The following CNTN3 variants were observed in gnomAD, a reference collection of about 807,000 sequenced individuals.
CNTN3 encodes the protein contactin 3.
Under a neutral mutation model 119.1 loss-of-function variants are expected in CNTN3, and 60 were observed. The ratio of observed to expected loss-of-function variants is 0.50; its 90% CI spans 0.41 to 0.62. CNTN3 has a LOEUF of 0.62. Among genes scored for constraint, CNTN3 ranks in the 20% least tolerant of loss-of-function variants. The probability of loss-of-function intolerance (pLI) is 0.00; values close to 1 mark genes in which losing one functional copy is unlikely to be tolerated. For missense variants in CNTN3, 1,101 were observed against 1,242.4 expected (o/e 0.89, Z 1.71); for synonymous variants, 450 against 438.7 (o/e 1.03, Z -0.32).
chr3:74,321,168 A>T (rs1467481669), intron 13 of CNTN3, among the ~76,000 whole-genome samples: 1 of 152,156 alleles, frequency 6.6e-6, no homozygotes, highest in African/African-American at 2.4e-5. Flanking sequence ...ATTGAAGACT[A>T]TTGGGTACTA....
chr3:74,588,652 T>A (rs1455963586), intron 1 of CNTN3, among the ~76,000 whole-genome samples: 3 of 151,976 alleles, frequency 2.0e-5, no homozygotes, highest in South Asian at 2.1e-4. Context: ...CACCAAGTCA[T>A]TCCTAAGCCA....
intron 1 of CNTN3, among the ~76,000 whole-genome samples, chr3:74,559,400 G>C (rs528550716): frequency 3.3e-4 from 50 of 152,118 alleles, no homozygotes; most frequent in Middle Eastern, 3.4e-3. Context: ...TGCTCCTTTG[G>C]GGCCTCATTA....
chr3:74,587,390 C>T (rs1203998309), intron 1 of CNTN3, among the ~76,000 whole-genome samples: 1 of 152,064 alleles, frequency 6.6e-6, no homozygotes, highest in Non-Finnish European at 1.5e-5. Context: ...TTGGCAGAAA[C>T]TTGAAAACAA....
At chr3:74,351,721 T>G (rs138687233) in intron 11 of CNTN3, among the ~76,000 whole-genome samples, 1 of 152,016 alleles carries the variant, frequency 6.6e-6, no homozygotes, top group Non-Finnish European at 1.5e-5. Context: ...AGGGGAAGAT[T>G]TGTAAGTATA....
At chr3:74,601,869 G>A (rs1276614220) in intron 1 of CNTN3, among the ~76,000 whole-genome samples, 1 of 152,090 alleles carries the variant, frequency 6.6e-6, no homozygotes, top group Admixed American at 6.6e-5. Context: ...CAATTGGCAT[G>A]AGAATAATTT....
chr3:74,557,839 T>C (rs896715356), intron 1 of CNTN3, among the ~76,000 whole-genome samples: 13 of 151,248 alleles, frequency 8.6e-5, no homozygotes, highest in African/African-American at 3.2e-4. Flanking sequence ...AGAGATAGAG[T>C]ATTTTGTCCT....
intron 11 of CNTN3, among the ~76,000 whole-genome samples, chr3:74,358,341 A>T (rs1306796498): frequency 6.6e-6 from 1 of 151,962 alleles, no homozygotes; most frequent in Non-Finnish European, 1.5e-5. Context: ...TAGAGAACTA[A>T]CTTTTATTAC....
intron 3 of CNTN3, among the ~76,000 whole-genome samples, chr3:74,496,959 G>A (rs1422573783): frequency 1.3e-5 from 2 of 151,900 alleles, no homozygotes; most frequent in African/African-American, 4.8e-5. Flanking sequence ...CAGTCTATAA[G>A]GCAGGATTTG....
At chr3:74,333,963 C>A (rs2106706039) in intron 13 of CNTN3, among the ~76,000 whole-genome samples, 1 of 152,240 alleles carries the variant, frequency 6.6e-6, no homozygotes, top group South Asian at 2.1e-4. Context: ...TCAGTGCAAA[C>A]AGTCCTACAA....
chr3:74,482,435 T>A (rs1702778801), intron 4 of CNTN3, among the ~76,000 whole-genome samples: 1 of 152,052 alleles, frequency 6.6e-6, no homozygotes, highest in Admixed American at 6.6e-5. Context: ...CTGATAAATA[T>A]GTGATAAAGG....
chr3:74,600,985 G>A (rs1163099435), intron 1 of CNTN3, among the ~76,000 whole-genome samples: 2 of 151,502 alleles, frequency 1.3e-5, no homozygotes, highest in Non-Finnish European at 2.9e-5. Flanking sequence ...TTAGGTTAGT[G>A]TTGTTGTCTT....
At chr3:74,402,152 A>C (rs771421983) in intron 5 of CNTN3, among the ~76,000 whole-genome samples, 5 of 152,316 alleles carry the variant, frequency 3.3e-5, no homozygotes, top group Non-Finnish European at 5.9e-5. Context: ...TAAGGCATGA[A>C]ACCCCAAAGG....
At chr3:74,595,471 G>C (rs184931435) in intron 1 of CNTN3, among the ~76,000 whole-genome samples, 1 of 151,352 alleles carries the variant, frequency 6.6e-6, no homozygotes, top group Non-Finnish European at 1.5e-5. Context: ...AATTTTTGTA[G>C]AAGGTGTAAG....
intron 20 of CNTN3, among the ~76,000 whole-genome samples, chr3:74,275,208 AG>A: frequency 6.6e-6 from 1 of 152,350 alleles, no homozygotes; most frequent in East Asian, 1.9e-4. Context: ...GAAATCTAAA[AG>A]TTTGGAAAAC....
intron 4 of CNTN3, among the ~76,000 whole-genome samples, 178 bp downstream of exon 4, chr3:74,486,277 CA>C (rs1702857012): frequency 6.6e-6 from 1 of 151,796 alleles, no homozygotes. Flanking sequence ...CACACACACA[CA>C]TTTAAAGCTC....
intron 2 of CNTN3, among the ~76,000 whole-genome samples, chr3:74,502,754 T>TGTGACCATC (rs1236764219): frequency 6.6e-6 from 1 of 152,126 alleles, no homozygotes; most frequent in Non-Finnish European, 1.5e-5. Flanking sequence ...TCAGCTTAAA[T>TGTGACCATC]GTGACCATCC....
intron 1 of CNTN3, among the ~76,000 whole-genome samples, chr3:74,612,228 A>C (rs1705094909): frequency 6.6e-6 from 1 of 152,202 alleles, no homozygotes; most frequent in Non-Finnish European, 1.5e-5. Context: ...TTGCAAGCAG[A>C]GAAAAGAGGC....
chr3:74,318,257 T>C (rs1465506903), intron 13 of CNTN3, among the ~76,000 whole-genome samples: 1 of 152,186 alleles, frequency 6.6e-6, no homozygotes, highest in Non-Finnish European at 1.5e-5. Context: ...TTTCACAGTT[T>C]TTAACTTCTT....
chr3:74,364,769 A>G (rs1237112510), intron 9 of CNTN3, among the ~76,000 whole-genome samples, 173 bp from the exon 10 acceptor site: 1 of 152,194 alleles, frequency 6.6e-6, no homozygotes, highest in Non-Finnish European at 1.5e-5. Flanking sequence ...ACTAATTTAC[A>G]CAATAGCTAC....
Sources: allele counts gnomAD v4.1 joint callset (sites outside exome capture counted in the v4.1 genomes callset), GRCh38; gene constraint gnomAD v4.1.1; transcripts MANE v1.5; gene names NCBI Gene and HGNC (gene_info 2026-07-23, HGNC 2026-07-21).